The following NGEF variants were observed in gnomAD, a reference collection of about 807,000 sequenced individuals.
NGEF encodes the protein ephexin-1.
NGEF carries 31 observed loss-of-function variants against 80.9 expected under a neutral mutation model. That is an observed-to-expected ratio of 0.38 (90% confidence interval 0.29 to 0.52). NGEF has a LOEUF of 0.52. Ranked by LOEUF, NGEF falls within the 20% of genes least tolerant of loss-of-function variation. The pLI, the probability that NGEF is intolerant of heterozygous loss-of-function variation, is 0.84. For synonymous variants in NGEF, 371 were observed against 370.2 expected, an observed-to-expected ratio of 1.00 and a Z score of -0.03; for missense variants, 709 against 926.2, an observed-to-expected ratio of 0.77 and a Z score of 3.04.
intron 1 of NGEF, among the ~76,000 whole-genome samples, chr2:232,993,196 TTA>T (rs1489215162): frequency 7.5e-6 from 1 of 134,064 alleles, no homozygotes; most frequent in Non-Finnish European, 1.5e-5. Flanking sequence ...ATATATTTAT[TTA>T]TATATATATT....
chr2:232,969,802 C>T (rs1411553306), intron 3 of NGEF, among the ~76,000 whole-genome samples: 2 of 152,042 alleles, frequency 1.3e-5, no homozygotes, highest in Admixed American at 6.5e-5. Flanking sequence ...GTGTGAGCCA[C>T]CACGCCGGCT....
chr2:232,921,132 T>C (rs559340812), intron 4 of NGEF, among the ~76,000 whole-genome samples: 2 of 152,378 alleles, frequency 1.3e-5, no homozygotes, highest in South Asian at 4.1e-4. Flanking sequence ...TGACCAACTG[T>C]ACTTGCAATG....
At chr2:232,900,272 A>G (rs1692277012) in intron 5 of NGEF, among the ~76,000 whole-genome samples, 1 of 129,772 alleles carries the variant, frequency 7.7e-6, no homozygotes, top group Admixed American at 7.5e-5. Flanking sequence ...GTTCACTCAC[A>G]TTCACACACA....
At chr2:232,965,177 T>G (rs1047258854) in intron 3 of NGEF, among the ~76,000 whole-genome samples, 1 of 152,226 alleles carries the variant, frequency 6.6e-6, no homozygotes, top group Admixed American at 6.5e-5. Flanking sequence ...TACCAGTCTT[T>G]GTGCCATGTA....
At chr2:232,955,045 T>A (rs1439172201) in intron 3 of NGEF, among the ~76,000 whole-genome samples, 1 of 152,128 alleles carries the variant, frequency 6.6e-6, no homozygotes, top group Admixed American at 6.5e-5. Context: ...CAACTTAAGA[T>A]GAGGACACTG....
intron 1 of NGEF, among the ~76,000 whole-genome samples, chr2:233,006,049 T>C (rs1012276234): frequency 1.3e-5 from 2 of 152,204 alleles, no homozygotes; most frequent in Non-Finnish European, 2.9e-5. Flanking sequence ...ACTCTTGACC[T>C]CAAGTGATCC....
At position 232,892,954 on chromosome 2, in the gene NGEF, G is replaced by C. The variant is rs1467652491; in HGVS notation, c.1086C>G (p.Val362=). The C allele has an allele frequency of 2.5e-6, 4 of 1,613,544 alleles. No homozygotes were observed. Among genetic ancestry groups the C allele is most frequent in the Admixed American group, 1.7e-5 (1 of 59,998 alleles). ...VYRYAADHFS[V]YITYVSNQTY... Reference sequence around the variant, plus strand: ...TCTGATTGCTGACGTAGGTGATGTAGACAGAGAAGTGGTCGGCCGCATAAC... The same window carrying C: ...TCTGATTGCTGACGTAGGTGATGTACACAGAGAAGTGGTCGGCCGCATAAC... The change falls in exon 7 of 15, where the codon GTC becomes GTG. Residue 362 remains valine, a synonymous_variant. Coordinates refer to ENST00000264051, the MANE Select transcript of NGEF (RefSeq NM_019850.3). The surrounding 1 kb of genome is among the most constrained non-coding windows in gnomAD (Gnocchi z 4.0).
chr2:232,903,038 C>T (rs550477942), intron 5 of NGEF, among the ~76,000 whole-genome samples: 15 of 152,180 alleles, frequency 9.9e-5, no homozygotes, highest in Admixed American at 3.3e-4. Context: ...TAATCTAGCA[C>T]ACTGGGTAAA....
At chr2:232,986,890 G>C (rs1244936080) in intron 1 of NGEF, among the ~76,000 whole-genome samples, 1 of 152,106 alleles carries the variant, frequency 6.6e-6, no homozygotes, top group Non-Finnish European at 1.5e-5. Flanking sequence ...TTCCACATTT[G>C]TCAATTAAAT....
intron 3 of NGEF, among the ~76,000 whole-genome samples, chr2:232,931,358 GT>G (rs1271962982): frequency 6.6e-6 from 1 of 152,200 alleles, no homozygotes; most frequent in African/African-American, 2.4e-5. Flanking sequence ...AAGCTGTTGT[GT>G]TTTGTGGAAG....
intron 9 of NGEF, among the ~76,000 whole-genome samples, chr2:232,886,308 G>T (rs1691690469): frequency 6.6e-6 from 1 of 151,726 alleles, no homozygotes; most frequent in African/African-American, 2.4e-5. Context: ...TGTACTGTGT[G>T]TGGTATGTGC....
At position 232,946,605 on chromosome 2, in the gene NGEF, G is replaced by A. The variant is rs186332990; in HGVS notation, c.384-19419C>T. Among the ~76,000 whole-genome samples the A allele has an allele frequency of 1.5e-3, 229 of 152,272 alleles. 1 individual carries two copies. Among genetic ancestry groups the A allele is most frequent in the African/African-American group, 5.5e-3 (227 of 41,540 alleles). Reference sequence around the variant, plus strand: ...GAAGCAGTGACCTACCAGTAGTAACGAGCACATCTAATGCCCAGATCTTGG... The same window carrying A: ...GAAGCAGTGACCTACCAGTAGTAACAAGCACATCTAATGCCCAGATCTTGG... On this transcript the variant is annotated intron_variant, in intron 3 of 14. Coordinates refer to ENST00000264051, the MANE Select transcript of NGEF (RefSeq NM_019850.3).
intron 3 of NGEF, among the ~76,000 whole-genome samples, chr2:232,941,248 A>G (rs1003760712): frequency 5.9e-5 from 9 of 152,274 alleles, no homozygotes; most frequent in Admixed American, 1.3e-4. Flanking sequence ...TGGGTCTGCA[A>G]AATATCTCAA....
chr2:232,897,522 G>T (rs1692138676), intron 5 of NGEF, among the ~76,000 whole-genome samples: 1 of 152,246 alleles, frequency 6.6e-6, no homozygotes, highest in Admixed American at 6.5e-5. Flanking sequence ...GCCTGCAGGA[G>T]CTCTCACTGC....
At chr2:233,008,156 T>C (rs1695125307) in intron 1 of NGEF, among the ~76,000 whole-genome samples, 1 of 152,128 alleles carries the variant, frequency 6.6e-6, no homozygotes, top group Non-Finnish European at 1.5e-5. Flanking sequence ...TTCACCCCAT[T>C]GGTGGGATTT....
intron 5 of NGEF, among the ~76,000 whole-genome samples, chr2:232,906,583 G>GGTCA: frequency 2.0e-5 from 1 of 50,686 alleles, no homozygotes; most frequent in African/African-American, 7.1e-5. Context: ...ACCTCCCTCC[G>GGTCA]GCCACCCCTA....
At chr2:232,968,384 G>T (rs1694110817) in intron 3 of NGEF, among the ~76,000 whole-genome samples, 1 of 151,472 alleles carries the variant, frequency 6.6e-6, no homozygotes, top group Non-Finnish European at 1.5e-5. Flanking sequence ...CACTGCACCT[G>T]GCCCAGACCT....
chr2:232,927,802 C>T (rs1409563884), intron 3 of NGEF: 4 of 818,436 alleles, frequency 4.9e-6, no homozygotes, highest in South Asian at 5.5e-5. Context: ...GGGGATAGGC[C>T]GCGCAGGGGG....
At chr2:232,971,736 G>C (rs1238592304) in intron 2 of NGEF, among the ~76,000 whole-genome samples, 1 of 152,132 alleles carries the variant, frequency 6.6e-6, no homozygotes, top group Admixed American at 6.6e-5. Flanking sequence ...TTTATGGCTG[G>C]ACATAAAGGC....
Sources: allele counts gnomAD v4.1 joint callset (sites outside exome capture counted in the v4.1 genomes callset), GRCh38; gene constraint gnomAD v4.1.1; non-coding constraint Gnocchi (gnomAD v3.1); transcripts MANE v1.5; gene names NCBI Gene and HGNC (gene_info 2026-07-23, HGNC 2026-07-21).